The following GNE variants were observed in gnomAD, a reference collection of about 807,000 sequenced individuals.
GNE encodes the protein glucosamine (UDP-N-acetyl)-2-epimerase/N-acetylmannosamine kinase, also known as bifunctional UDP-N-acetylglucosamine 2-epimerase/N-acetylmannosamine kinase.
A neutral mutation model predicts 61.8 loss-of-function variants in GNE; 41 were observed. The ratio of observed to expected loss-of-function variants is 0.66; its 90% confidence interval spans 0.52 to 0.86. GNE has a LOEUF of 0.86. Ranked by LOEUF, GNE falls within the 40% of genes least tolerant of loss-of-function variation. The pLI, the probability that GNE is intolerant of heterozygous loss-of-function variation, is 0.00. For synonymous variants in GNE, 264 were observed against 326.4 expected, an observed-to-expected ratio of 0.81 and a Z score of 2.06; for missense variants, 608 against 909.1, an observed-to-expected ratio of 0.67 and a Z score of 4.26.
At chr9:36,266,836 G>C (rs561661592) in intron 1 of GNE, among the ~76,000 whole-genome samples, 3 of 152,194 alleles carry the variant, frequency 2.0e-5, no homozygotes, top group African/African-American at 7.2e-5. Context: ...GTGAACCCGG[G>C]AGGCGGAGCT....
At chr9:36,253,113 G>A (rs1830177042) in intron 1 of GNE, among the ~76,000 whole-genome samples, 1 of 152,044 alleles carries the variant, frequency 6.6e-6, no homozygotes, top group African/African-American at 2.4e-5. Flanking sequence ...GGTGAGCCAA[G>A]ATGGTGCCAC....
chr9:36,265,250 A>T (rs1830736693), intron 1 of GNE: 2 of 393,582 alleles, frequency 5.1e-6, no homozygotes, highest in African/African-American at 4.1e-5. Flanking sequence ...TAGAGCTATA[A>T]CATTCACCGC....
chr9:36,248,295 T>C (rs4879965), intron 2 of GNE, among the ~76,000 whole-genome samples: 75,660 of 151,306 alleles, frequency 0.5, 20,048 homozygotes, highest in Non-Finnish European at 0.6. Flanking sequence ...TACGCCTTGT[T>C]CTCTCAGATT....
chr9:36,273,470 G>A (rs568725538), intron 1 of GNE, among the ~76,000 whole-genome samples: 2 of 151,746 alleles, frequency 1.3e-5, no homozygotes, highest in Admixed American at 6.6e-5. Context: ...ACCCACCTCA[G>A]CCTCCCAAAG....
chr9:36,248,047 AAAT>A (rs1420472129), intron 2 of GNE, among the ~76,000 whole-genome samples: 2 of 151,224 alleles, frequency 1.3e-5, no homozygotes, highest in Non-Finnish European at 3.0e-5. Context: ...AAAAAAAAAA[AAAT>A]CTGTGGATCC....
intron 1 of GNE, among the ~76,000 whole-genome samples, chr9:36,252,792 C>G (rs1195863248): frequency 2.0e-5 from 3 of 149,760 alleles, no homozygotes; most frequent in Non-Finnish European, 4.4e-5. Context: ...GTCTTTTCAT[C>G]TGTGTTCCCC....
rs1036976309 is a variant in GNE, at chr9:36,217,278, G to C, written c.*87C>G. ...TCACCTGCAGTTCAATACCAGATTT[G>C]ATTGTTAAGAAACGGTCATCCTAAA... On this transcript the variant is annotated 3_prime_UTR_variant, in exon 12 of 12. Transcript: ENST00000642385. 3 of 899,186 alleles carry C rather than the reference G, an allele frequency of 3.3e-6. No homozygotes were observed. The highest frequency in any genetic ancestry group is 2.0e-5 in the Admixed American group (1 of 50,540). 55.7% of individuals were successfully genotyped at this position (899,186 alleles called of 1,614,324 possible).
intron 1 of GNE, among the ~76,000 whole-genome samples, chr9:36,272,925 A>G (rs1273883518): frequency 1.3e-5 from 2 of 148,156 alleles, no homozygotes; most frequent in East Asian, 4.1e-4. Context: ...TACAAAAAAA[A>G]AAAAAAAAAA....
intron 1 of GNE, among the ~76,000 whole-genome samples, chr9:36,266,217 C>T (rs1387748702): frequency 6.6e-6 from 1 of 152,142 alleles, no homozygotes; most frequent in African/African-American, 2.4e-5. Context: ...AGGCATAAGC[C>T]ACCGCGCCCG....
chr9:36,223,914 G>A (rs1828733939), intron 7 of GNE, among the ~76,000 whole-genome samples: 1 of 151,934 alleles, frequency 6.6e-6, no homozygotes. Flanking sequence ...ACCACGCCCG[G>A]CTAATTTTTG....
At chr9:36,260,619 T>C (rs1056364185), upstream of GNE, among the ~76,000 whole-genome samples, 41 of 151,718 alleles carry the variant, frequency 2.7e-4, no homozygotes, top group Middle Eastern at 3.4e-3. Flanking sequence ...CCTGTAATCC[T>C]AGCACTTTGG....
intron 5 of GNE, 25 bp from the exon 6 acceptor site, chr9:36,229,133 C>A: frequency 7.6e-7 from 1 of 1,307,952 alleles, no homozygotes; most frequent in Non-Finnish European, 1.1e-6. Flanking sequence ...TGACACATTA[C>A]AAGGATTTGG....
chr9:36,240,785 AT>A (rs976599901), intron 3 of GNE, among the ~76,000 whole-genome samples: 3 of 151,740 alleles, frequency 2.0e-5, no homozygotes, highest in African/African-American at 7.3e-5. Context: ...TGGTCATGGA[AT>A]TTTTTTTGTT....
At chr9:36,259,011 G>A (rs182333732), upstream of GNE, among the ~76,000 whole-genome samples, 56 of 152,272 alleles carry the variant, frequency 3.7e-4, no homozygotes, top group African/African-American at 1.3e-3. Flanking sequence ...CAGTCCCGAG[G>A]CCTAGGGACA....
Position 36,222,859 on chromosome 9 carries a change from A to G in GNE, c.1551T>C (p.Asp517=). 1 of 1,614,170 alleles carries G rather than the reference A, an allele frequency of 6.2e-7. No individual in the cohort carries two copies. Among genetic ancestry groups the G allele is most frequent in the Non-Finnish European group, 8.5e-7 (1 of 1,180,018 alleles). The change falls in exon 9 of 12, where the codon GAT becomes GAC. Residue 517 remains aspartate (D), a synonymous_variant. Coordinates refer to ENST00000642385, the MANE Select transcript of GNE (RefSeq NM_005476.7). ...TTTCCGCCAGGGCAGCACAGTTGCC[A>G]TCATTGTCTACCCACACAGGGAGAT... ...TLHLPVWVDN[D]GNCAALAERK...
At position 36,218,292 on chromosome 9, in the gene GNE, C is replaced by T. The variant is rs1486508239; in HGVS notation, c.1824G>A (p.Leu608=). Residue 608 remains leucine (L), a synonymous_variant, in exon 11 of 12, where the codon CTG becomes CTA. Coordinates refer to ENST00000642385, the MANE Select transcript of GNE (RefSeq NM_005476.7). The surrounding 1 kb of genome is among the most constrained non-coding windows in gnomAD (Gnocchi z 4.1). ...REAKKLHDED[L]LLVEGMSVPK... ...GCACTGACATCCCTTCCACCAAGAG[C>T]AGGTCCTCTGAACAGAGTGAGAAGG... 6.2e-7 allele frequency: 1 copy of T among 1,612,302 alleles called. No individual in the cohort carries two copies.
At chr9:36,254,082 G>A (rs984166579) in intron 1 of GNE, among the ~76,000 whole-genome samples, 1 of 152,086 alleles carries the variant, frequency 6.6e-6, no homozygotes. Context: ...GCGCGTGCCT[G>A]TAATCCCAGC....
At chr9:36,247,864 T>A (rs1006555800) in intron 2 of GNE, among the ~76,000 whole-genome samples, 1 of 151,736 alleles carries the variant, frequency 6.6e-6, no homozygotes, top group African/African-American at 2.4e-5. Context: ...CCGTCTCTAC[T>A]AAAAATACAA....
chr9:36,238,742 T>G (rs1829511579), intron 3 of GNE, among the ~76,000 whole-genome samples: 1 of 152,208 alleles, frequency 6.6e-6, no homozygotes, highest in Non-Finnish European at 1.5e-5. Flanking sequence ...TTAGTTTAAT[T>G]AGGTCCAGGC....
Sources: gnomAD v4.1 joint callset for allele counts (sites outside exome capture counted in the v4.1 genomes callset) on GRCh38, gnomAD v4.1.1 for gene constraint, Gnocchi (gnomAD v3.1) non-coding constraint, MANE v1.5 for transcripts, NCBI Gene and HGNC (gene_info 2026-07-23, HGNC 2026-07-21) for gene names.